ZNF385D: variants seen among roughly 807,000 people sequenced by gnomAD.
ZNF385D encodes zinc finger protein 385D, also known as zinc finger protein 659.
Under a neutral mutation model 35.8 loss-of-function variants are expected in ZNF385D, and 15 were observed. The ratio of observed to expected loss-of-function variants is 0.42; its 90% CI spans 0.28 to 0.64. The LOEUF (loss-of-function observed/expected upper bound fraction) is 0.64, where lower values mean the gene tolerates loss of function less well. Ranked by LOEUF, ZNF385D falls within the 30% of genes least tolerant of loss-of-function variation. ZNF385D has a pLI of 0.23. For synonymous variants in ZNF385D, 212 were observed against 186.8 expected, an observed-to-expected ratio of 1.13 and a Z score of -1.10; for missense variants, 474 against 494.6, an observed-to-expected ratio of 0.96 and a Z score of 0.39.
intron 1 of ZNF385D, among the ~76,000 whole-genome samples, chr3:21,689,499 T>A (rs1482729706): frequency 6.6e-6 from 1 of 152,112 alleles, no homozygotes; most frequent in African/African-American, 2.4e-5. Context: ...ATAAATACAA[T>A]AGTCACTGGA....
chr3:22,224,056 C>T (rs1041002122), intron 2 of ZNF385D, among the ~76,000 whole-genome samples: 8 of 152,016 alleles, frequency 5.3e-5, no homozygotes, highest in Admixed American at 4.6e-4. Flanking sequence ...CCTTCTTATC[C>T]CAAGTATATG....
intron 1 of ZNF385D, among the ~76,000 whole-genome samples, chr3:21,747,346 T>A (rs2069825634): frequency 6.6e-6 from 1 of 152,210 alleles, no homozygotes; most frequent in African/African-American, 2.4e-5. Flanking sequence ...AGGAGTATTC[T>A]CATGGGGGCA....
At chr3:21,988,567 T>A (rs1694952703) in intron 3 of ZNF385D, among the ~76,000 whole-genome samples, 2 of 150,264 alleles carry the variant, frequency 1.3e-5, no homozygotes, top group South Asian at 4.5e-4. Context: ...CACTGCTCTG[T>A]TCAGAGCTGT....
chr3:22,148,656 G>A (rs749608989), intron 3 of ZNF385D, among the ~76,000 whole-genome samples: 4 of 152,072 alleles, frequency 2.6e-5, no homozygotes, highest in Non-Finnish European at 5.9e-5. Context: ...AGCTCCTTCA[G>A]ATGGTTTAGC....
intron 3 of ZNF385D, among the ~76,000 whole-genome samples, chr3:22,060,984 C>G (rs910262000): frequency 6.6e-6 from 1 of 151,914 alleles, no homozygotes; most frequent in Admixed American, 6.6e-5. Context: ...TACTAAATAA[C>G]TGTTAAATAA....
At chr3:21,796,174 T>C (rs1029889456) in intron 3 of ZNF385D, among the ~76,000 whole-genome samples, 3 of 152,180 alleles carry the variant, frequency 2.0e-5, no homozygotes, top group Middle Eastern at 3.2e-3. Flanking sequence ...AGTCGGAGCA[T>C]ATTAGAGAAC....
chr3:21,860,195 C>CAT (rs112553526), intron 3 of ZNF385D, among the ~76,000 whole-genome samples: 3,123 of 152,124 alleles, frequency 0.021, 117 homozygotes, highest in African/African-American at 0.07. Context: ...AGGTTGAGCA[C>CAT]GTTTGCTGTA....
intron 2 of ZNF385D, among the ~76,000 whole-genome samples, chr3:22,232,849 TTC>T (rs1486335320): frequency 6.6e-6 from 1 of 152,226 alleles, no homozygotes; most frequent in African/African-American, 2.4e-5. Context: ...CTCTACTGTC[TTC>T]TCTCTGCACA....
chr3:21,595,489 AATATAT>A, intron 2 of ZNF385D, among the ~76,000 whole-genome samples: 1 of 143,624 alleles, frequency 7.0e-6, no homozygotes, highest in African/African-American at 2.8e-5. Context: ...ATGTTTATGT[AATATAT>A]ATGTATGTAA....
intron 4 of ZNF385D, among the ~76,000 whole-genome samples, chr3:21,472,382 A>T (rs145293551): frequency 1.8e-3 from 272 of 152,204 alleles, no homozygotes; most frequent in African/African-American, 6.3e-3. Flanking sequence ...AGAGCAAAAA[A>T]AGTTAGTAGG....
intron 3 of ZNF385D, among the ~76,000 whole-genome samples, chr3:21,857,720 ACT>A (rs1165890649): frequency 1.3e-5 from 2 of 151,690 alleles, no homozygotes; most frequent in Non-Finnish European, 2.9e-5. Context: ...CCTGCCCTTG[ACT>A]CTCTTACTGA....
At chr3:22,061,825 A>G (rs1699702298) in intron 3 of ZNF385D, among the ~76,000 whole-genome samples, 1 of 152,100 alleles carries the variant, frequency 6.6e-6, no homozygotes, top group Admixed American at 6.6e-5. Flanking sequence ...CACAATCTGG[A>G]TTACCTTTCT....
chr3:22,180,822 C>G (rs765074430), intron 2 of ZNF385D, among the ~76,000 whole-genome samples: 2 of 151,656 alleles, frequency 1.3e-5, no homozygotes, highest in African/African-American at 2.4e-5. Flanking sequence ...AACCCACAGC[C>G]AATATCATAC....
chr3:22,295,716 T>C (rs906126040), intron 2 of ZNF385D, among the ~76,000 whole-genome samples: 2 of 152,126 alleles, frequency 1.3e-5, no homozygotes, highest in Non-Finnish European at 2.9e-5. Context: ...GCACACCTCA[T>C]AGTCTGACTT....
At chr3:21,971,979 C>T (rs1415401656) in intron 3 of ZNF385D, among the ~76,000 whole-genome samples, 1 of 151,834 alleles carries the variant, frequency 6.6e-6, no homozygotes, top group Non-Finnish European at 1.5e-5. Context: ...TCAGAGTTAT[C>T]AAGAGAGGTA....
In ZNF385D at chr3:22,238,732, T is replaced by TA. The variant is rs1187149140; in HGVS notation, c.107-69698_107-69697insT. Among the ~76,000 whole-genome samples, 4 of 150,940 alleles carry TA rather than the reference T, an allele frequency of 2.7e-5. No individual in the cohort carries two copies. In the East Asian group the frequency reaches 7.8e-4, roughly 30 times the overall value. ...GGTGTGTAATGTTTCTTAATATTTT[T>TA]TATATATAGATTTTTTTTTAGACAA... is the stretch of plus-strand genomic sequence containing the variant. On this transcript the variant is annotated intron_variant, in intron 2 of 5. Coordinates refer to the ZNF385D transcript ENST00000494108.
chr3:22,164,719 C>G (rs1706201592), intron 3 of ZNF385D, among the ~76,000 whole-genome samples: 1 of 151,834 alleles, frequency 6.6e-6, no homozygotes. Flanking sequence ...TTACAACACC[C>G]TTTCACCTGA....
At chr3:21,861,046 A>G (rs867874203) in intron 3 of ZNF385D, among the ~76,000 whole-genome samples, 1 of 152,256 alleles carries the variant, frequency 6.6e-6, no homozygotes, top group Middle Eastern at 3.4e-3. Flanking sequence ...TACAGCATAG[A>G]GCAGACAAAG....
At chr3:21,568,320 C>T (rs1336126544) in intron 2 of ZNF385D, among the ~76,000 whole-genome samples, 1 of 152,052 alleles carries the variant, frequency 6.6e-6, no homozygotes, top group Non-Finnish European at 1.5e-5. Context: ...CTAAAAGTAG[C>T]CTCTACTGTC....
Sources: allele counts gnomAD v4.1 joint callset (sites outside exome capture counted in the v4.1 genomes callset), GRCh38; gene constraint gnomAD v4.1.1; transcripts MANE v1.5; gene names NCBI Gene and HGNC (gene_info 2026-07-23, HGNC 2026-07-21).